Variants in RGS12 observed in about 807,000 individuals in gnomAD.
RGS12 encodes the protein regulator of G protein signaling 12.
RGS12 carries 66 observed loss-of-function variants against 120.1 expected under a neutral mutation model. That is an observed-to-expected ratio of 0.55 (90% CI 0.45 to 0.67). The LOEUF is 0.67. RGS12 is among the 30% of genes least tolerant of loss of function. RGS12 has a pLI of 0.00. For synonymous variants in RGS12, 827 were observed against 804.7 expected, an observed-to-expected ratio of 1.03 and a Z score of -0.47; for missense variants, 1,859 against 1,957.7, an observed-to-expected ratio of 0.95 and a Z score of 0.95.
At chr4:3,324,918 C>T (rs1357665847) in intron 2 of RGS12, among the ~76,000 whole-genome samples, 1 of 152,162 alleles carries the variant, frequency 6.6e-6, no homozygotes, top group East Asian at 1.9e-4. Context: ...ATAAATATTT[C>T]TCTTATTGTC....
rs76070328 is a variant in RGS12, at chr4:3,438,124, C to T, written c.4115-1331C>T. ...GCAGGGACCCCCTGTCCCTGGTTCT[C>T]ATGTGCCGGGGGCTGGCTCTTCCTG... On this transcript the variant is annotated intron_variant, in intron 17 of 17. Transcript: ENST00000336727. Among the ~76,000 whole-genome samples, 987 of 152,236 alleles carry T rather than the reference C, an allele frequency of 6.5e-3. 6 individuals are homozygous for T. Among genetic ancestry groups the T allele is most frequent in the African/African-American group, 0.022 (925 of 41,548 alleles).
At chr4:3,337,614 A>G (rs145366416) in intron 2 of RGS12, among the ~76,000 whole-genome samples, 1 of 152,172 alleles carries the variant, frequency 6.6e-6, no homozygotes, top group African/African-American at 2.4e-5. Flanking sequence ...AAGGACACAC[A>G]CTATCTAATT....
chr4:3,321,687 C>T (rs923564945), intron 2 of RGS12, among the ~76,000 whole-genome samples: 7 of 152,192 alleles, frequency 4.6e-5, no homozygotes, highest in African/African-American at 7.2e-5. Context: ...GGAGCAGCTC[C>T]GGCCTGGACA....
At chr4:3,368,413 T>TTGGGGG in intron 3 of RGS12, among the ~76,000 whole-genome samples, 1 of 131,594 alleles carries the variant, frequency 7.6e-6, no homozygotes, top group East Asian at 2.4e-4. Context: ...CCTGTGTGTG[T>TTGGGGG]GTGAGTGCCT....
chr4:3,317,856 T>C lies in RGS12; in HGVS notation c.1686T>C (p.Asp562=), dbSNP rs760642187. ...SDQDSYTDST[D]GWSSINCGTL... ...AGGACTCTTACACAGATTCCACCGA[T>C]GGCTGGTCCAGCATCAACTGCGGCA... The change falls in exon 2 of 18, where the codon GAT becomes GAC. Residue 562 remains aspartate, a synonymous_variant. Transcript: ENST00000336727. The C allele has an allele frequency of 1.2e-6, 2 of 1,613,700 alleles. No individual in the cohort carries two copies. Among genetic ancestry groups the C allele is most frequent in the Non-Finnish European group, 1.7e-6 (2 of 1,179,962 alleles).
intron 1 of RGS12, among the ~76,000 whole-genome samples, chr4:3,303,758 A>T (rs1390508105): frequency 6.6e-6 from 1 of 152,264 alleles, no homozygotes; most frequent in Non-Finnish European, 1.5e-5. Context: ...TATTAGTGTG[A>T]TGTTAGCACA....
intron 2 of RGS12, among the ~76,000 whole-genome samples, chr4:3,329,955 A>G (rs908677732): frequency 5.3e-5 from 8 of 152,250 alleles, no homozygotes; most frequent in Non-Finnish European, 5.9e-5. Context: ...ATCTTATTGC[A>G]TATCAAGCTT....
intron 4 of RGS12, among the ~76,000 whole-genome samples, chr4:3,401,305 A>C (rs576342523): frequency 6.6e-6 from 1 of 152,206 alleles, no homozygotes; most frequent in Non-Finnish European, 1.5e-5. Flanking sequence ...TTTTCAAGGA[A>C]GAAAATATTT....
chr4:3,286,541 C>G, the RGS12 span, among the ~76,000 whole-genome samples: 1 of 152,234 alleles, frequency 6.6e-6, no homozygotes. Flanking sequence ...AAAGCCAGCC[C>G]CTGTGGGCCC....
intron 3 of RGS12, among the ~76,000 whole-genome samples, chr4:3,356,491 T>C (rs1306134355): frequency 2.6e-5 from 4 of 152,172 alleles, no homozygotes; most frequent in Admixed American, 2.6e-4. Context: ...AGAAGTTGTT[T>C]CATCTTGTTA....
chr4:3,313,027 G>GA (rs1724507078), intron 1 of RGS12: 1 of 152,240 alleles, frequency 6.6e-6, no homozygotes, highest in African/African-American at 2.4e-5. Flanking sequence ...ACTCCAGTCT[G>GA]GGCAATGGAG....
chr4:3,310,061 C>G (rs1156865249), intron 1 of RGS12, among the ~76,000 whole-genome samples: 2 of 140,944 alleles, frequency 1.4e-5, no homozygotes, highest in African/African-American at 5.6e-5. Flanking sequence ...TGAGGGGAAC[C>G]GTGTGGGGGA....
Position 3,390,185 on chromosome 4 carries a change from C to T in RGS12, c.2020+3748C>T, listed in dbSNP as rs527797229. Among the ~76,000 whole-genome samples, 15 of 152,340 alleles carry T rather than the reference C, an allele frequency of 9.8e-5. No individual in the cohort carries two copies. The highest frequency in any genetic ancestry group is 1.9e-4 in the East Asian group (1 of 5,188). ...TCTCCAATGGTGCCTCAGGCACATG[C>T]GGTTTCCCTCTTCCCTTCCTGACCA... On this transcript the variant is annotated intron_variant, in intron 4 of 17. Transcript: ENST00000336727. The surrounding 1 kb of genome is among the most constrained non-coding windows in gnomAD (Gnocchi z 4.6).
chr4:3,424,987 G>A (rs1350708522), intron 13 of RGS12, among the ~76,000 whole-genome samples: 2 of 152,252 alleles, frequency 1.3e-5, no homozygotes. Flanking sequence ...GACTATGGCA[G>A]GTGAAGAGTC....
At chr4:3,388,517 G>A (rs1013541871) in intron 4 of RGS12, among the ~76,000 whole-genome samples, 1 of 152,192 alleles carries the variant, frequency 6.6e-6, no homozygotes, top group Non-Finnish European at 1.5e-5. Flanking sequence ...CAGGTGAGAT[G>A]GCCAGACTCA....
intron 4 of RGS12, among the ~76,000 whole-genome samples, chr4:3,405,855 G>A (rs569700133): frequency 4.6e-5 from 7 of 152,256 alleles, no homozygotes; most frequent in African/African-American, 1.7e-4. Flanking sequence ...GGATATGGGA[G>A]TCCCTTTTAT....
At chr4:3,412,625 G>A (rs1721863189) in intron 4 of RGS12, among the ~76,000 whole-genome samples, 3 of 152,236 alleles carry the variant, frequency 2.0e-5, no homozygotes, top group Admixed American at 2.0e-4. Context: ...GGGCAGGAGG[G>A]GAACATAGCG....
chr4:3,321,036 G>A (rs577407093), intron 2 of RGS12, among the ~76,000 whole-genome samples: 21 of 152,278 alleles, frequency 1.4e-4, no homozygotes, highest in Non-Finnish European at 2.8e-4. Flanking sequence ...TCTTAGTGAC[G>A]GGGACTTCAG....
chr4:3,292,070 C>T (rs1723053342), upstream of RGS12, among the ~76,000 whole-genome samples: 1 of 152,210 alleles, frequency 6.6e-6, no homozygotes, highest in South Asian at 2.1e-4. Flanking sequence ...GGGCCGAGTC[C>T]CTGGGCGGGC....
Sources: gnomAD v4.1 joint callset for allele counts (sites outside exome capture counted in the v4.1 genomes callset) on GRCh38, gnomAD v4.1.1 for gene constraint, Gnocchi (gnomAD v3.1) non-coding constraint, MANE v1.5 for transcripts, NCBI Gene and HGNC (gene_info 2026-07-23, HGNC 2026-07-21) for gene names.